The following RBPJ variants were observed in gnomAD, a reference collection of about 807,000 sequenced individuals.
The protein encoded by RBPJ is recombining binding protein suppressor of hairless.
In RBPJ, 9 loss-of-function variants were observed where a neutral mutation model predicts 67.8. The observed-to-expected ratio is 0.13, with a 90% CI of 0.08 to 0.23. The LOEUF is 0.23. Ranked by LOEUF, RBPJ falls within the 10% of genes least tolerant of loss-of-function variation. The probability of loss-of-function intolerance (pLI) is 1.00; values close to 1 mark genes in which losing one functional copy is unlikely to be tolerated. For synonymous variants in RBPJ, 198 were observed against 203.3 expected (o/e 0.97, Z 0.22); for missense variants, 305 against 595.6 (o/e 0.51, Z 5.08).
chr4:26,353,544 A>G (rs918929559), intron 1 of RBPJ, among the ~76,000 whole-genome samples: 1 of 152,108 alleles, frequency 6.6e-6, no homozygotes, highest in Non-Finnish European at 1.5e-5. Flanking sequence ...ATATTAGACA[A>G]CCTTTTTATA....
intron 1 of RBPJ, among the ~76,000 whole-genome samples, chr4:26,283,573 T>C (rs1721354119): frequency 6.6e-6 from 1 of 151,644 alleles, no homozygotes; most frequent in Non-Finnish European, 1.5e-5. Context: ...AAAATAAAGA[T>C]ATAGGATTTT....
At position 26,210,686 on chromosome 4, in the gene RBPJ, C is replaced by CTTTCCTTT. The variant is rs56289492; in HGVS notation, c.-167+47072_-167+47073insTTTCCTTT. Reference sequence around the variant, plus strand: ...TTTTTCTTTCTTTCTTTCTTTCTTTCCTTTCTTTCTTTCTTTCTTTCCTTC... The same window carrying CTTTCCTTT: ...TTTTTCTTTCTTTCTTTCTTTCTTTCTTTCCTTTCTTTCTTTCTTTCTTTCTTTCCTTC... On this transcript the variant is annotated intron_variant, in intron 1 of 4. Transcript: ENST00000512351. Among the ~76,000 whole-genome samples, 329 of 64,698 alleles carry CTTTCCTTT rather than the reference C, an allele frequency of 5.1e-3. 27 individuals are homozygous for CTTTCCTTT. The highest frequency in any genetic ancestry group is 0.017 in the African/African-American group (314 of 18,244). The allele number at this position is 64,698 out of a possible 152,430, so 42.4% of individuals were successfully genotyped here.
chr4:26,199,836 T>C (rs1717917904), intron 1 of RBPJ, among the ~76,000 whole-genome samples: 1 of 152,222 alleles, frequency 6.6e-6, no homozygotes, highest in Non-Finnish European at 1.5e-5. Context: ...GAGTGAATTT[T>C]ATGGTATGTG....
chr4:26,178,275 G>C (rs1716863999), intron 1 of RBPJ, among the ~76,000 whole-genome samples: 1 of 152,178 alleles, frequency 6.6e-6, no homozygotes, highest in Non-Finnish European at 1.5e-5. Flanking sequence ...GAGAACCACT[G>C]GACTCAGTTA....
rs60161865 is a variant in RBPJ, at chr4:26,270,440, G to GA, written c.-166-92003dup. 8.4e-5 allele frequency among the ~76,000 whole-genome samples: 8 copies of GA among 95,528 alleles called. 1 individual carries two copies. Among genetic ancestry groups the GA allele is most frequent in the African/African-American group, 3.5e-4 (8 of 22,894 alleles). The allele number at this position is 95,528 out of a possible 152,430, so 62.7% of individuals were successfully genotyped here. On this transcript the variant is annotated intron_variant, in intron 1 of 4. Coordinates refer to the RBPJ transcript ENST00000512351. The stretch of plus-strand genomic sequence containing the variant: ...AAGAAAGAAAGAAAGAAAGAAAGAA[G>GA]AAAGAAAGAAAGAAAGAAAAGAAAA...
chr4:26,130,337 T>C, the RBPJ span, among the ~76,000 whole-genome samples: 1 of 152,222 alleles, frequency 6.6e-6, no homozygotes, highest in Non-Finnish European at 1.5e-5. Flanking sequence ...TGGTTACATC[T>C]TCTCACTATG....
the RBPJ span, among the ~76,000 whole-genome samples, chr4:26,140,462 A>G: frequency 2.0e-5 from 3 of 152,094 alleles, no homozygotes; most frequent in Non-Finnish European, 4.4e-5. Flanking sequence ...CTCTCCCCCA[A>G]CTTGGCTCTC....
chr4:26,413,291 T>G (rs1264495572), intron 3 of RBPJ, among the ~76,000 whole-genome samples: 1 of 152,178 alleles, frequency 6.6e-6, no homozygotes, highest in Non-Finnish European at 1.5e-5. Context: ...TGACTCAAAG[T>G]CACCTTCTTA....
intron 1 of RBPJ, among the ~76,000 whole-genome samples, chr4:26,311,517 TGAGA>T (rs1366333799): frequency 1.3e-5 from 2 of 149,444 alleles, no homozygotes; most frequent in Non-Finnish European, 3.0e-5. Context: ...CCAGCCTGGG[TGAGA>T]GAGAGAGACT....
intron 1 of RBPJ, among the ~76,000 whole-genome samples, chr4:26,220,806 G>A (rs1718877953): frequency 6.6e-6 from 1 of 152,194 alleles, no homozygotes; most frequent in Non-Finnish European, 1.5e-5. Flanking sequence ...ACCCACCCAG[G>A]GCTAAGGGAC....
chr4:26,157,108 CAA>C, the RBPJ span, among the ~76,000 whole-genome samples: 1 of 117,818 alleles, frequency 8.5e-6, no homozygotes, highest in Non-Finnish European at 1.7e-5. Flanking sequence ...CAAAAACAAA[CAA>C]ACAAACAAAA....
the RBPJ span, chr4:26,113,494 CTG>C: frequency 3.6e-6 from 2 of 554,800 alleles, no homozygotes; most frequent in East Asian, 4.2e-5. Flanking sequence ...AGCCCTATGA[CTG>C]TAAGCAATGT....
chr4:26,221,756 C>T (rs1276578191), intron 1 of RBPJ, among the ~76,000 whole-genome samples: 1 of 152,098 alleles, frequency 6.6e-6, no homozygotes, highest in Non-Finnish European at 1.5e-5. Context: ...GGTAGGATGA[C>T]CATAGTTAAC....
chr4:26,223,988 T>C (rs907023569), intron 1 of RBPJ, among the ~76,000 whole-genome samples: 2 of 152,226 alleles, frequency 1.3e-5, no homozygotes, highest in Admixed American at 6.5e-5. Context: ...CTCCACCTAA[T>C]TGAGTTGTTG....
At chr4:26,283,087 C>G (rs187567911) in intron 1 of RBPJ, among the ~76,000 whole-genome samples, 16 of 149,724 alleles carry the variant, frequency 1.1e-4, no homozygotes, top group Non-Finnish European at 2.2e-4. Flanking sequence ...CCTGCCACCA[C>G]GCCCAGCTAA....
intron 1 of RBPJ, among the ~76,000 whole-genome samples, chr4:26,188,824 A>T (rs571655323): frequency 8.7e-4 from 133 of 152,348 alleles, no homozygotes; most frequent in Non-Finnish European, 1.6e-3. Flanking sequence ...CATGCATCAT[A>T]TAAGATAGAT....
At chr4:26,214,479 A>AGG (rs1718553816) in intron 1 of RBPJ, among the ~76,000 whole-genome samples, 1 of 113,596 alleles carries the variant, frequency 8.8e-6, no homozygotes, top group South Asian at 3.7e-4. Context: ...AAGAAAGAGA[A>AGG]ACAAGGAGGG....
chr4:26,178,038 C>A (rs1360766038), intron 1 of RBPJ, among the ~76,000 whole-genome samples: 1 of 152,224 alleles, frequency 6.6e-6, no homozygotes, highest in African/African-American at 2.4e-5. Flanking sequence ...ATTAGCTACT[C>A]TTGCTGAACA....
intron 1 of RBPJ, among the ~76,000 whole-genome samples, chr4:26,243,477 T>C (rs1024913340): frequency 6.6e-6 from 1 of 152,220 alleles, no homozygotes; most frequent in African/African-American, 2.4e-5. Context: ...TCTGGACTTT[T>C]GAGTGAGAAT....
Sources: allele counts gnomAD v4.1 joint callset (sites outside exome capture counted in the v4.1 genomes callset), GRCh38; gene constraint gnomAD v4.1.1; transcripts MANE v1.5; gene names NCBI Gene and HGNC (gene_info 2026-07-23, HGNC 2026-07-21).